Variants in MTUS2 observed in about 807,000 individuals in gnomAD.
The protein encoded by MTUS2 is microtubule associated scaffold protein 2, also known as microtubule-associated tumor suppressor candidate 2.
MTUS2 carries 40 observed loss-of-function variants against 114.1 expected under a neutral mutation model. That is an observed-to-expected ratio of 0.35 (90% CI 0.27 to 0.46). MTUS2 has a LOEUF of 0.46. Among genes scored for constraint, MTUS2 ranks in the 20% least tolerant of loss-of-function variants. The pLI is 1.00. For missense variants in MTUS2, 1,679 were observed against 1,705.4 expected, an observed-to-expected ratio of 0.98 and a Z score of 0.27; for synonymous variants, 688 against 672.0, an observed-to-expected ratio of 1.02 and a Z score of -0.37.
intron 5 of MTUS2, among the ~76,000 whole-genome samples, chr13:29,251,373 C>T (rs577137572): frequency 1.3e-5 from 2 of 152,008 alleles, no homozygotes; most frequent in Non-Finnish European, 2.9e-5. Flanking sequence ...TTAAAACTTA[C>T]ATTTTGACCA....
chr13:29,011,067 C>T (rs781433797), intron 2 of MTUS2, among the ~76,000 whole-genome samples: 6 of 152,164 alleles, frequency 3.9e-5, no homozygotes, highest in Non-Finnish European at 7.3e-5. Context: ...GACTGAATCA[C>T]TAAACCGAAT....
At chr13:28,981,143 A>G (rs920040709) in intron 2 of MTUS2, among the ~76,000 whole-genome samples, 1 of 152,252 alleles carries the variant, frequency 6.6e-6, no homozygotes, top group African/African-American at 2.4e-5. Context: ...GTGCCATGGA[A>G]CTGTACACTT....
chr13:29,241,714 C>G (rs763263894), intron 5 of MTUS2, among the ~76,000 whole-genome samples: 3 of 152,198 alleles, frequency 2.0e-5, no homozygotes, highest in Non-Finnish European at 4.4e-5. Flanking sequence ...TCTCTGTGTA[C>G]TGAGCATCTA....
At chr13:28,931,055 T>G (rs958795127) in intron 2 of MTUS2, among the ~76,000 whole-genome samples, 4 of 152,162 alleles carry the variant, frequency 2.6e-5, no homozygotes, top group Non-Finnish European at 5.9e-5. Flanking sequence ...TGTTACAGAT[T>G]GAATCATTGA....
intron 5 of MTUS2, among the ~76,000 whole-genome samples, chr13:29,274,975 T>C (rs7983577): frequency 0.2 from 30,111 of 152,014 alleles, 3,326 homozygotes; most frequent in East Asian, 0.34. Flanking sequence ...CTCAAGCAAT[T>C]CTCCTGCCTT....
At chr13:29,317,614 A>G (rs1593295816) in intron 6 of MTUS2, among the ~76,000 whole-genome samples, 1 of 35,468 alleles carries the variant, frequency 2.8e-5, no homozygotes, top group African/African-American at 7.1e-5. Context: ...AATTTTTTGT[A>G]TTTTTAGTAG....
intron 2 of MTUS2, among the ~76,000 whole-genome samples, chr13:28,957,647 T>C (rs532204334): frequency 6.6e-6 from 1 of 152,282 alleles, no homozygotes; most frequent in African/African-American, 2.4e-5. Flanking sequence ...TGGCATTTTA[T>C]GTCAGACACT....
At chr13:29,092,331 C>T (rs960164796) in intron 4 of MTUS2, among the ~76,000 whole-genome samples, 1 of 152,174 alleles carries the variant, frequency 6.6e-6, no homozygotes, top group African/African-American at 2.4e-5. Context: ...TTTGTTTTAG[C>T]CTTTTTTTTG....
At chr13:29,303,513 G>A (rs536760339) in intron 6 of MTUS2, among the ~76,000 whole-genome samples, 74 of 152,150 alleles carry the variant, frequency 4.9e-4, no homozygotes, top group African/African-American at 1.6e-3. Context: ...ACAGCAGAAT[G>A]GACAGAGAGG....
chr13:29,364,951 C>T (rs1481875454), intron 8 of MTUS2, among the ~76,000 whole-genome samples: 3 of 152,182 alleles, frequency 2.0e-5, no homozygotes, highest in African/African-American at 7.2e-5. Flanking sequence ...AAAATGTGAG[C>T]ACTTAAGGTG....
At chr13:29,278,783 C>T (rs1259484112) in intron 5 of MTUS2, among the ~76,000 whole-genome samples, 1 of 152,160 alleles carries the variant, frequency 6.6e-6, no homozygotes, top group Non-Finnish European at 1.5e-5. Context: ...GTGTTATCCT[C>T]ACCTTTTTGT....
intron 5 of MTUS2, among the ~76,000 whole-genome samples, chr13:29,275,305 A>G (rs1216274609): frequency 6.6e-6 from 1 of 152,200 alleles, no homozygotes; most frequent in East Asian, 1.9e-4. Flanking sequence ...CAGGCATGCA[A>G]TGCATAATAA....
chr13:28,993,528 A>G (rs1423230045), intron 2 of MTUS2, among the ~76,000 whole-genome samples: 1 of 151,986 alleles, frequency 6.6e-6, no homozygotes, highest in African/African-American at 2.4e-5. Flanking sequence ...TTCTTTTAGG[A>G]TTCTTATATT....
At chr13:29,473,278 G>A (rs1880450625) in intron 9 of MTUS2, among the ~76,000 whole-genome samples, 1 of 152,154 alleles carries the variant, frequency 6.6e-6, no homozygotes, top group South Asian at 2.1e-4. Context: ...GAGCTGTAGA[G>A]CCAGATAGTT....
intron 8 of MTUS2, among the ~76,000 whole-genome samples, chr13:29,374,193 A>G (rs1220960640): frequency 6.6e-6 from 1 of 152,230 alleles, no homozygotes; most frequent in Non-Finnish European, 1.5e-5. Context: ...GAGCCTCAGA[A>G]ACCTAACAGA....
chr13:29,487,977 G>T lies in MTUS2; in HGVS notation c.3477G>T (p.Leu1159=). Residue 1159 remains leucine (L), a synonymous_variant, in exon 11 of 16, where the codon CTG becomes CTT. Coordinates refer to ENST00000612955, the MANE Select transcript of MTUS2 (RefSeq NM_001033602.4). ...ENNHTVAITI[L]QDDHDHKVQE... ...ACCACACAGTTGCCATCACAATCCT[G>T]CAGGATGACCACGACCACAAAGTCC... 6.2e-7 allele frequency: 1 copy of T among 1,614,024 alleles called. No homozygotes were observed. The highest frequency in any genetic ancestry group is 1.1e-5 in the South Asian group (1 of 91,078).
intron 6 of MTUS2, among the ~76,000 whole-genome samples, chr13:29,321,170 G>A (rs1004696633): frequency 6.6e-6 from 1 of 152,162 alleles, no homozygotes; most frequent in Admixed American, 6.5e-5. Context: ...AGTTGGTGAT[G>A]TGAGCCTGTT....
chr13:28,922,911 C>G (rs771135388), intron 2 of MTUS2, among the ~76,000 whole-genome samples: 16 of 152,180 alleles, frequency 1.1e-4, no homozygotes, highest in Non-Finnish European at 1.9e-4. Flanking sequence ...CTCTGTTCCA[C>G]CAACATTTCT....
chr13:29,122,819 A>G (rs1891365583), intron 5 of MTUS2, among the ~76,000 whole-genome samples: 1 of 152,166 alleles, frequency 6.6e-6, no homozygotes. Context: ...ATAAATTCAC[A>G]TCCCTGTCCG....
Sources: allele counts gnomAD v4.1 joint callset (sites outside exome capture counted in the v4.1 genomes callset), GRCh38; gene constraint gnomAD v4.1.1; transcripts MANE v1.5; gene names NCBI Gene and HGNC (gene_info 2026-07-23, HGNC 2026-07-21).